The following MTMR12 variants were observed in gnomAD, a reference collection of about 807,000 sequenced individuals.
MTMR12 encodes myotubularin related protein 12.
In MTMR12, 33 loss-of-function variants were observed where a neutral mutation model predicts 96.7. The observed-to-expected ratio is 0.34, with a 90% CI of 0.26 to 0.46. MTMR12 has a LOEUF of 0.46. MTMR12 is among the 20% of genes least tolerant of loss of function. The pLI is 1.00. For missense variants in MTMR12, 721 were observed against 896.1 expected (o/e 0.80, Z 2.49); for synonymous variants, 298 against 327.2 (o/e 0.91, Z 0.96).
At chr5:32,241,412 AATG>A (rs1271091422) in intron 12 of MTMR12, among the ~76,000 whole-genome samples, 1 of 152,242 alleles carries the variant, frequency 6.6e-6, no homozygotes, top group East Asian at 1.9e-4. Flanking sequence ...AGTTTCAGAG[AATG>A]ATAAAAGCTT....
chr5:32,267,524 A>T (rs1749647846), intron 6 of MTMR12, among the ~76,000 whole-genome samples: 1 of 152,206 alleles, frequency 6.6e-6, no homozygotes, highest in Non-Finnish European at 1.5e-5. Context: ...TTTTGTTCTT[A>T]AAAGATTGCT....
chr5:32,241,342 G>A (rs1023131297), intron 12 of MTMR12, among the ~76,000 whole-genome samples: 1 of 152,202 alleles, frequency 6.6e-6, no homozygotes, highest in Non-Finnish European at 1.5e-5. Context: ...CAGATGGACA[G>A]AAGCCACAGA....
intron 9 of MTMR12, 143 bp from the exon 10 acceptor site, chr5:32,248,269 C>T: frequency 1.1e-6 from 1 of 925,772 alleles, no homozygotes; most frequent in Admixed American, 2.7e-5. Context: ...CTGCAGGACT[C>T]CTGTTCCCAG....
chr5:32,295,112 C>T (rs1295909888), intron 1 of MTMR12, among the ~76,000 whole-genome samples: 8 of 152,240 alleles, frequency 5.3e-5, no homozygotes, highest in Admixed American at 5.2e-4. Flanking sequence ...AGCTGATTCC[C>T]AAGGCTGCTG....
chr5:32,245,941 A>G (rs1748662744), intron 10 of MTMR12, among the ~76,000 whole-genome samples: 1 of 152,162 alleles, frequency 6.6e-6, no homozygotes, highest in South Asian at 2.1e-4. Flanking sequence ...TGCTCTTGAC[A>G]TATCTGCTTT....
At chr5:32,284,916 T>C (rs1750468794) in intron 1 of MTMR12, among the ~76,000 whole-genome samples, 1 of 152,222 alleles carries the variant, frequency 6.6e-6, no homozygotes, top group South Asian at 2.1e-4. Context: ...TCTTTGTGCT[T>C]TGTATACCAC....
At chr5:32,245,316 G>A (rs532299490) in intron 10 of MTMR12, among the ~76,000 whole-genome samples, 5 of 152,204 alleles carry the variant, frequency 3.3e-5, no homozygotes, top group Admixed American at 2.0e-4. Context: ...AATTATACAC[G>A]TGAGCTACTA....
rs1747852639 is a variant in MTMR12, at chr5:32,228,595, T to TC, written c.*1182_*1183insG. On this transcript the variant is annotated 3_prime_UTR_variant, in exon 16 of 16. Transcript: ENST00000382142. ...ATATATATATCATATATATGTGATA[T>TC]ATATATATATATCATATATATGATA... 1 of 110,182 alleles carries TC rather than the reference T, an allele frequency of 9.1e-6. No individual in the cohort carries two copies. The highest frequency in any genetic ancestry group is 3.6e-5 in the African/African-American group (1 of 27,708). The allele number at this position is 110,182 out of a possible 1,614,324, so 6.8% of individuals were successfully genotyped here. A position where few individuals can be genotyped will look rare whatever the true frequency, so the allele number is the denominator to read the frequency against.
chr5:32,230,266 A>G lies in MTMR12; in HGVS notation c.1756T>C (p.Leu586=). Residue 586 remains leucine, a synonymous_variant, in exon 16 of 16, where the codon TTA becomes CTA. Coordinates refer to ENST00000382142, the MANE Select transcript of MTMR12 (RefSeq NM_001040446.3). ...RGFFREETDH[L]IKNLLGKRIS... is the part of the protein sequence containing the mutation. ...CTCTTGCCCAGAAGGTTTTTAATTA[A>G]ATGATCTGTTTCTTCCCTGAAAAAT... is the stretch of plus-strand genomic sequence containing the variant. 1 of 1,614,186 alleles carries G rather than the reference A, an allele frequency of 6.2e-7. No homozygotes were observed. Among genetic ancestry groups the G allele is most frequent in the Non-Finnish European group, 8.5e-7 (1 of 1,180,012 alleles).
At position 32,233,082 on chromosome 5, in the gene MTMR12, A is replaced by G; in HGVS notation, c.1674+691T>C. On this transcript the variant is annotated intron_variant, in intron 15 of 15. Coordinates refer to ENST00000382142, the MANE Select transcript of MTMR12 (RefSeq NM_001040446.3). This position sits in a 1 kb window ranked among gnomAD's most constrained non-coding sequence, Gnocchi z 5.0. ...AACTTTGGGATTATCAACTAAAATG[A>G]CTTTCTGACATTTGTGGCTCATAGC... 1 of 912,496 alleles carries G rather than the reference A, an allele frequency of 1.1e-6. No homozygotes were observed. The highest frequency in any genetic ancestry group is 1.3e-6 in the Non-Finnish European group (1 of 763,478). 56.5% of individuals were successfully genotyped at this position (912,496 alleles called of 1,614,324 possible).
rs1749851152 is a variant in MTMR12 at position 32,271,909 on chromosome 5, G to GAAGATTCAAAAGGAAAC, written c.286-21_286-5dup. ...CCTTATTCTTAAATTGAGTTTCCTA[G>GAAGATTCAAAAGGAAAC]AAGATTCAAAAGGAAACAACTGTGA... On this transcript the variant is annotated splice_region_variant and splice_polypyrimidine_tract_variant and intron_variant, in intron 3 of 15. Coordinates refer to ENST00000382142, the MANE Select transcript of MTMR12 (RefSeq NM_001040446.3). The GAAGATTCAAAAGGAAAC allele has an allele frequency of 6.6e-7, 1 of 1,522,514 alleles. No individual in the cohort carries two copies. The highest frequency in any genetic ancestry group is 9.0e-7 in the Non-Finnish European group (1 of 1,112,952). 94.3% of individuals were successfully genotyped at this position (1,522,514 alleles called of 1,614,324 possible).
chr5:32,242,537 T>G (rs1298329133), intron 11 of MTMR12, among the ~76,000 whole-genome samples: 1 of 152,144 alleles, frequency 6.6e-6, no homozygotes, highest in Non-Finnish European at 1.5e-5. Context: ...AGCTCCAATA[T>G]GCTCAGAAAT....
intron 1 of MTMR12, among the ~76,000 whole-genome samples, chr5:32,301,046 G>A (rs1304977060): frequency 6.6e-6 from 1 of 152,162 alleles, no homozygotes; most frequent in African/African-American, 2.4e-5. Context: ...CTGCACTGCA[G>A]CTGGGTAACA....
intron 1 of MTMR12, among the ~76,000 whole-genome samples, chr5:32,283,695 A>G (rs1022882600): frequency 6.6e-6 from 1 of 152,242 alleles, no homozygotes; most frequent in Non-Finnish European, 1.5e-5. Flanking sequence ...AAAAGCGAGC[A>G]ACACAAAGTG....
In MTMR12 at chr5:32,240,354, G is replaced by A. The variant is rs143899695; in HGVS notation, c.1172-1181C>T. ...ACAGAGGTTGCCGTGAGCTGAGATC[G>A]CACCATTGCACTCCAGCCTGGACAA... On this transcript the variant is annotated intron_variant, in intron 12 of 15. Coordinates refer to ENST00000382142, the MANE Select transcript of MTMR12 (RefSeq NM_001040446.3). Among the ~76,000 whole-genome samples, 133 of 147,584 alleles carry A rather than the reference G, an allele frequency of 9.0e-4. 3 individuals are homozygous for A. In the East Asian group the frequency reaches 0.026, roughly 28 times the overall value.
intron 1 of MTMR12, 41 bp from the exon 2 acceptor site, chr5:32,276,783 G>A: frequency 6.6e-7 from 1 of 1,514,924 alleles, no homozygotes; most frequent in African/African-American, 1.4e-5. Context: ...TTGTTTAAGG[G>A]TTTAAAATGA....
chr5:32,273,419 C>G (rs1160615081), intron 3 of MTMR12, among the ~76,000 whole-genome samples: 1 of 152,022 alleles, frequency 6.6e-6, no homozygotes, highest in Non-Finnish European at 1.5e-5. Flanking sequence ...CAGAGTGAAC[C>G]CAAATTCAAA....
At chr5:32,298,173 C>G (rs994209063) in intron 1 of MTMR12, among the ~76,000 whole-genome samples, 1 of 152,052 alleles carries the variant, frequency 6.6e-6, no homozygotes, top group Admixed American at 6.6e-5. Flanking sequence ...GTGGTGCAGA[C>G]GGGGAGCAGT....
chr5:32,309,970 T>C (rs1751512475), intron 1 of MTMR12, among the ~76,000 whole-genome samples: 1 of 151,978 alleles, frequency 6.6e-6, no homozygotes, highest in Non-Finnish European at 1.5e-5. Context: ...AAACTAAAAA[T>C]AGAGCCACCA....
Sources: allele counts gnomAD v4.1 joint callset (sites outside exome capture counted in the v4.1 genomes callset), GRCh38; gene constraint gnomAD v4.1.1; non-coding constraint Gnocchi (gnomAD v3.1); transcripts MANE v1.5; gene names NCBI Gene and HGNC (gene_info 2026-07-23, HGNC 2026-07-21).